GRIK4: variants seen among roughly 807,000 people sequenced by gnomAD.
The protein encoded by GRIK4 is glutamate ionotropic receptor kainate type subunit 4.
Under a neutral mutation model 104.9 loss-of-function variants are expected in GRIK4, and 40 were observed. The observed-to-expected ratio is 0.38, with a 90% confidence interval of 0.30 to 0.50. The LOEUF is 0.50. GRIK4 is among the 20% of genes least tolerant of loss of function. The probability of loss-of-function intolerance (pLI) is 0.93; values close to 1 mark genes in which losing one functional copy is unlikely to be tolerated. For missense variants in GRIK4, 1,047 were observed against 1,308.1 expected, an observed-to-expected ratio of 0.80 and a Z score of 3.08; for synonymous variants, 485 against 524.9, an observed-to-expected ratio of 0.92 and a Z score of 1.04.
chr11:120,537,119 A>G (rs1461931496), intron 1 of GRIK4, among the ~76,000 whole-genome samples: 1 of 152,184 alleles, frequency 6.6e-6, no homozygotes, highest in Non-Finnish European at 1.5e-5. Context: ...GTGTCCTCAA[A>G]AGACAGAGGA....
chr11:120,531,778 G>A (rs1442556292), intron 1 of GRIK4, among the ~76,000 whole-genome samples: 1 of 152,074 alleles, frequency 6.6e-6, no homozygotes, highest in Non-Finnish European at 1.5e-5. Flanking sequence ...TTTTCACCAT[G>A]TTGGCCAGGC....
rs574273961 is a variant in GRIK4 at position 120,787,452 on chromosome 11, A to ATTTAT, written c.83-15217_83-15213dup. ...ATTTTATTTTATTTTATTTTATTTT[A>ATTTAT]TTTATTTTATTTTATTTTATTTTAT... On this transcript the variant is annotated intron_variant, in intron 3 of 20. Coordinates refer to ENST00000527524, the MANE Select transcript of GRIK4 (RefSeq NM_014619.5). 2.9e-3 allele frequency among the ~76,000 whole-genome samples: 426 copies of ATTTAT among 147,050 alleles called. 3 individuals carry two copies. The highest frequency in any genetic ancestry group is 0.024 in the Middle Eastern group (7 of 290).
chr11:120,704,247 C>A (rs1337220535), intron 3 of GRIK4, among the ~76,000 whole-genome samples: 1 of 152,142 alleles, frequency 6.6e-6, no homozygotes, highest in Non-Finnish European at 1.5e-5. Context: ...GCGGTTTATT[C>A]TTCACTAGAC....
intron 11 of GRIK4, among the ~76,000 whole-genome samples, chr11:120,879,893 G>A (rs1954917499): frequency 6.6e-6 from 1 of 152,174 alleles, no homozygotes; most frequent in African/African-American, 2.4e-5. Flanking sequence ...GGAAGAGGCT[G>A]GGAAAGAAGG....
intron 1 of GRIK4, among the ~76,000 whole-genome samples, chr11:120,614,379 G>A (rs1422401044): frequency 1.3e-5 from 2 of 152,232 alleles, no homozygotes; most frequent in African/African-American, 4.8e-5. Context: ...GGAGAGTATG[G>A]CCACTAGCTA....
At chr11:120,706,449 A>T (rs1950630298) in intron 3 of GRIK4, among the ~76,000 whole-genome samples, 1 of 151,658 alleles carries the variant, frequency 6.6e-6, no homozygotes, top group South Asian at 2.1e-4. Flanking sequence ...GGCATGGGGG[A>T]GCATGTGTCT....
At chr11:120,825,105 T>C (rs1012322124) in intron 6 of GRIK4, among the ~76,000 whole-genome samples, 3 of 151,842 alleles carry the variant, frequency 2.0e-5, no homozygotes, top group African/African-American at 7.3e-5. Flanking sequence ...TTTGTATTTT[T>C]AGTAGAGACA....
intron 1 of GRIK4, among the ~76,000 whole-genome samples, chr11:120,647,057 C>A (rs1949554572): frequency 1.3e-5 from 2 of 152,198 alleles, no homozygotes; most frequent in African/African-American, 4.8e-5. Flanking sequence ...TACAAAGATA[C>A]TTTCATTAGA....
At chr11:120,782,476 G>A (rs1396221189) in intron 3 of GRIK4, among the ~76,000 whole-genome samples, 2 of 152,012 alleles carry the variant, frequency 1.3e-5, no homozygotes, top group African/African-American at 2.4e-5. Context: ...TAGTAGAGAC[G>A]GGGTTTCACC....
chr11:120,862,105 C>T lies in GRIK4; in HGVS notation c.891C>T (p.Pro297=). ...QSWQENCDHV[P]FTGPALSSAL... is the part of the protein sequence containing the mutation. ...GGCAGGAGAACTGTGACCATGTGCCCTTCACTGGGCCTGCGGTAAGTACCC... is the reference window on the plus strand; with the variant it reads ...GGCAGGAGAACTGTGACCATGTGCCTTTCACTGGGCCTGCGGTAAGTACCC... Residue 297 remains proline (P), a synonymous_variant, in exon 9 of 21, where the codon CCC becomes CCT. Transcript: ENST00000527524. 6.2e-7 allele frequency: 1 copy of T among 1,613,958 alleles called. No homozygotes were observed. Among genetic ancestry groups the T allele is most frequent in the Non-Finnish European group, 8.5e-7 (1 of 1,179,950 alleles).
At chr11:120,957,030 G>A in intron 16 of GRIK4, 77 bp downstream of exon 16, 1 of 1,259,030 alleles carries the variant, frequency 7.9e-7, no homozygotes, top group Non-Finnish European at 1.1e-6. Flanking sequence ...GCCGGCTCTA[G>A]CTTCTAGAGC....
chr11:120,968,061 G>C (rs1565468732), intron 19 of GRIK4, among the ~76,000 whole-genome samples: 1 of 152,180 alleles, frequency 6.6e-6, no homozygotes, highest in Non-Finnish European at 1.5e-5. Flanking sequence ...CATGAGGGTA[G>C]GGTTGGTCAT....
intron 13 of GRIK4, among the ~76,000 whole-genome samples, chr11:120,919,791 C>A (rs1200447310): frequency 6.6e-6 from 1 of 151,892 alleles, no homozygotes; most frequent in Non-Finnish European, 1.5e-5. Context: ...AGGGATGGGG[C>A]CTGGTTATTG....
At chr11:120,965,956 A>C (rs1944376696) in intron 18 of GRIK4, among the ~76,000 whole-genome samples, 1 of 152,172 alleles carries the variant, frequency 6.6e-6, no homozygotes, top group Non-Finnish European at 1.5e-5. Flanking sequence ...GAGTTTGAGC[A>C]AGGAAACTGG....
chr11:120,577,080 A>G (rs1362046027), intron 1 of GRIK4, among the ~76,000 whole-genome samples: 1 of 152,208 alleles, frequency 6.6e-6, no homozygotes, highest in African/African-American at 2.4e-5. Flanking sequence ...GAAAGGTGAT[A>G]ATGAGAATAT....
intron 1 of GRIK4, among the ~76,000 whole-genome samples, chr11:120,553,455 G>C (rs1948158411): frequency 6.6e-6 from 1 of 152,176 alleles, no homozygotes; most frequent in Non-Finnish European, 1.5e-5. Context: ...GGAGAAGTGG[G>C]GAGTGGGCTA....
chr11:120,724,525 G>A (rs544114928), intron 3 of GRIK4, among the ~76,000 whole-genome samples: 1 of 152,146 alleles, frequency 6.6e-6, no homozygotes, highest in African/African-American at 2.4e-5. Context: ...GAATGTTATT[G>A]GCATTGAATG....
chr11:120,820,435 AG>A (rs1953086918), intron 6 of GRIK4, among the ~76,000 whole-genome samples: 1 of 152,230 alleles, frequency 6.6e-6, no homozygotes, highest in African/African-American at 2.4e-5. Flanking sequence ...TTCCTGATAA[AG>A]CATTTTTTAG....
chr11:120,589,235 C>A (rs1434884172), intron 1 of GRIK4, among the ~76,000 whole-genome samples: 1 of 152,182 alleles, frequency 6.6e-6, no homozygotes, highest in South Asian at 2.1e-4. Context: ...CACTCATGCT[C>A]ACACTGCTGG....
Sources: gnomAD v4.1 joint callset for allele counts (sites outside exome capture counted in the v4.1 genomes callset) on GRCh38, gnomAD v4.1.1 for gene constraint, MANE v1.5 for transcripts, NCBI Gene and HGNC (gene_info 2026-07-23, HGNC 2026-07-21) for gene names.